NACC2: variants seen among roughly 807,000 people sequenced by gnomAD.
NACC2 encodes the protein nucleus accumbens-associated protein 2.
Under a neutral mutation model 25.1 loss-of-function variants are expected in NACC2, and 8 were observed. That is an observed-to-expected ratio of 0.32 (90% CI 0.19 to 0.57). The LOEUF is 0.57. NACC2 is among the 20% of genes least tolerant of loss of function. The pLI is 0.89. For synonymous variants in NACC2, 435 were observed against 294.7 expected, an observed-to-expected ratio of 1.48 and a Z score of -4.88; for missense variants, 644 against 650.2, an observed-to-expected ratio of 0.99 and a Z score of 0.10.
At chr9:136,047,960 G>A (rs1840754620) in intron 2 of NACC2, among the ~76,000 whole-genome samples, 1 of 152,252 alleles carries the variant, frequency 6.6e-6, no homozygotes, top group South Asian at 2.1e-4. Flanking sequence ...TCACATTGGA[G>A]CAGCAGGGGG....
At chr9:136,057,219 G>A (rs978544730) in intron 1 of NACC2, among the ~76,000 whole-genome samples, 8 of 152,216 alleles carry the variant, frequency 5.3e-5, no homozygotes, top group Admixed American at 5.2e-4. Flanking sequence ...AAGCAGCCAC[G>A]GCTCACCTGA....
intron 2 of NACC2, among the ~76,000 whole-genome samples, chr9:136,024,172 GT>G (rs1840341797): frequency 6.8e-6 from 1 of 146,890 alleles, no homozygotes; most frequent in Non-Finnish European, 1.5e-5. Flanking sequence ...GTGTGTGTGT[GT>G]GTGTGAGGAC....
At position 136,086,935 on chromosome 9, in the gene NACC2, T is replaced by C. The variant is rs1202707424; in HGVS notation, c.-60+8254A>G. Among the ~76,000 whole-genome samples the C allele has an allele frequency of 6.6e-6, 1 of 152,242 alleles. No homozygotes were observed. The highest frequency in any genetic ancestry group is 1.5e-5 in the Non-Finnish European group (1 of 68,040). On this transcript the variant is annotated intron_variant, in intron 1 of 5. Coordinates refer to ENST00000277554, the MANE Select transcript of NACC2 (RefSeq NM_144653.5). The surrounding 1 kb of genome is among the most constrained non-coding windows in gnomAD (Gnocchi z 5.6). ...ACCACACCGGGGGTTCGCATCTACC[T>C]GACCCTTTGAATGCGGCCTTATTTG... is the stretch of plus-strand genomic sequence containing the variant.
chr9:136,056,327 G>A (rs932284689), intron 1 of NACC2, among the ~76,000 whole-genome samples: 3 of 152,078 alleles, frequency 2.0e-5, no homozygotes, highest in Non-Finnish European at 4.4e-5. Flanking sequence ...GGCCCTCGGC[G>A]GCCAGGAACT....
In NACC2 at chr9:136,022,790, G is replaced by A. The variant is rs1840311418; in HGVS notation, c.887-6361C>T. Among the ~76,000 whole-genome samples, 1 of 151,986 alleles carries A rather than the reference G, an allele frequency of 6.6e-6. No homozygotes were observed. Among genetic ancestry groups the A allele is most frequent in the Non-Finnish European group, 1.5e-5 (1 of 68,016 alleles). On this transcript the variant is annotated intron_variant, in intron 2 of 5. Coordinates refer to ENST00000277554, the MANE Select transcript of NACC2 (RefSeq NM_144653.5). The surrounding 1 kb of genome is among the most constrained non-coding windows in gnomAD (Gnocchi z 4.4). The stretch of plus-strand genomic sequence containing the variant: ...ACGCTGTACTTGGTGGGAGCACAGA[G>A]GCCACAATTATAAGGCATGCCATTC...
intron 1 of NACC2, among the ~76,000 whole-genome samples, chr9:136,069,065 C>G (rs1350210740): frequency 1.3e-5 from 2 of 151,492 alleles, no homozygotes; most frequent in Admixed American, 6.6e-5. Context: ...TGCCACCACA[C>G]CCAACTAATT....
intron 1 of NACC2, among the ~76,000 whole-genome samples, chr9:136,092,017 G>GA (rs1281768276): frequency 6.6e-6 from 1 of 152,190 alleles, no homozygotes; most frequent in Non-Finnish European, 1.5e-5. Flanking sequence ...TGGACAGGCT[G>GA]AAAGGGAAAC....
chr9:136,091,649 T>C (rs527568054), intron 1 of NACC2, among the ~76,000 whole-genome samples: 8 of 152,226 alleles, frequency 5.3e-5, no homozygotes, highest in Admixed American at 4.6e-4. Flanking sequence ...TACAAGGGTG[T>C]GTGCTTCCAA....
chr9:136,013,498 G>A lies in NACC2; in HGVS notation c.1158-202C>T, dbSNP rs185912061. On this transcript the variant is annotated intron_variant, in intron 4 of 5. Transcript: ENST00000277554. This position sits in a 1 kb window ranked among gnomAD's most constrained non-coding sequence, Gnocchi z 6.6. ...AAGCGTCTGGGCTGAGAAGATGACC[G>A]GGTGATGGGGCTGCAAGGTGACCTG... is the stretch of plus-strand genomic sequence containing the variant. Among the ~76,000 whole-genome samples the A allele has an allele frequency of 1.3e-5, 2 of 152,334 alleles. No individual in the cohort carries two copies. The highest frequency in any genetic ancestry group is 6.5e-5 in the Admixed American group (1 of 15,306).
At chr9:136,012,498 C>T (rs1338222994) in intron 5 of NACC2, among the ~76,000 whole-genome samples, 5 of 152,326 alleles carry the variant, frequency 3.3e-5, no homozygotes, top group African/African-American at 9.6e-5. Context: ...TTCCTCCCAA[C>T]GGCATCAAAC....
chr9:136,011,405 C>T lies in NACC2; in HGVS notation c.*111G>A. On this transcript the variant is annotated 3_prime_UTR_variant, in exon 6 of 6. Coordinates refer to ENST00000277554, the MANE Select transcript of NACC2 (RefSeq NM_144653.5). ...AGCAGAATAAAAATCACATTTTTCT[C>T]AGGCAACAGTAGCAGTTCAGTAGGT... The T allele has an allele frequency of 8.7e-7, 1 of 1,154,386 alleles. No individual in the cohort carries two copies. Among genetic ancestry groups the T allele is most frequent in the Non-Finnish European group, 1.1e-6 (1 of 896,692 alleles). 71.5% of individuals were successfully genotyped at this position (1,154,386 alleles called of 1,614,324 possible). A position where few individuals can be genotyped will look rare whatever the true frequency, so the allele number is the denominator to read the frequency against.
chr9:136,070,898 A>C (rs986067456), intron 1 of NACC2, among the ~76,000 whole-genome samples: 1 of 151,720 alleles, frequency 6.6e-6, no homozygotes, highest in African/African-American at 2.4e-5. Context: ...ATAATTACAG[A>C]CCCTGCAGAT....
rs565096086 is a variant in NACC2 at position 136,085,762 on chromosome 9, T to C, written c.-60+9427A>G. Among the ~76,000 whole-genome samples the C allele has an allele frequency of 6.6e-5, 10 of 152,374 alleles. No homozygotes were observed. In the East Asian group the frequency reaches 9.6e-4, roughly 15 times the overall value. On this transcript the variant is annotated intron_variant, in intron 1 of 5. Transcript: ENST00000277554. ...CATTTTTCTGTAAGTTTAATTACTT[T>C]ATCTTTTACCTTTTTTCTTAAACAT...
Position 136,007,029 on chromosome 9 carries a change from A to T in NACC2, c.*4487T>A, listed in dbSNP as rs1840022792. 1 of 154,274 alleles carries T rather than the reference A, an allele frequency of 6.5e-6. No homozygotes were observed. Among genetic ancestry groups the T allele is most frequent in the Non-Finnish European group, 1.5e-5 (1 of 68,216 alleles). 9.6% of individuals were successfully genotyped at this position (154,274 alleles called of 1,614,324 possible). A position where few individuals can be genotyped will look rare whatever the true frequency, so the allele number is the denominator to read the frequency against. ...TCCGAAGGATGGATGCTCTACTTGC[A>T]CCCAGTGCCATCCAAATCTTCAAGT... On this transcript the variant is annotated 3_prime_UTR_variant, in exon 6 of 6. Transcript: ENST00000277554.
chr9:136,046,227 C>T (rs892920289), intron 2 of NACC2, among the ~76,000 whole-genome samples: 2 of 152,062 alleles, frequency 1.3e-5, no homozygotes, highest in African/African-American at 2.4e-5. Flanking sequence ...GCAGGCATTT[C>T]GCAATCTCTA....
At chr9:136,024,165 TGTGTGTGTGTGTGAGGACGGA>T (rs1205071677) in intron 2 of NACC2, among the ~76,000 whole-genome samples, 42 of 142,898 alleles carry the variant, frequency 2.9e-4, no homozygotes, top group African/African-American at 7.8e-4. Flanking sequence ...AGTGTGTGTG[TGTGTGTGTGTGTGAGGACGGA>T]GTGTGTGTGT....
In NACC2 at chr9:136,020,204, G is replaced by A. The variant is rs760471291; in HGVS notation, c.887-3775C>T. ...GCTCAGAAAGAACAAATGAACGAAC[G>A]TCAGAAGGAGGGGGCCATGCAGGTC... On this transcript the variant is annotated intron_variant, in intron 2 of 5. Transcript: ENST00000277554. The surrounding 1 kb of genome is among the most constrained non-coding windows in gnomAD (Gnocchi z 4.7). 6.6e-6 allele frequency among the ~76,000 whole-genome samples: 1 copy of A among 152,270 alleles called. No homozygotes were observed. The highest frequency in any genetic ancestry group is 2.1e-4 in the South Asian group (1 of 4,830).
chr9:136,089,730 A>T, intron 1 of NACC2, among the ~76,000 whole-genome samples: 1 of 151,552 alleles, frequency 6.6e-6, no homozygotes, highest in East Asian at 1.9e-4. Flanking sequence ...CTCTTCATTT[A>T]GGAGCCACGG....
At position 136,016,156 on chromosome 9, in the gene NACC2, T is replaced by G. The variant is rs1840200287; in HGVS notation, c.1051+109A>C. On this transcript the variant is annotated intron_variant, in intron 3 of 5. Coordinates refer to ENST00000277554, the MANE Select transcript of NACC2 (RefSeq NM_144653.5). Reference sequence around the variant, plus strand: ...GGAAATTAGAGGAAATTTAAGATTTTTTTTTTGACTGATTGGTGATGAGTA... The same window carrying G: ...GGAAATTAGAGGAAATTTAAGATTTGTTTTTTGACTGATTGGTGATGAGTA... 1.8e-5 allele frequency: 23 copies of G among 1,245,872 alleles called. No homozygotes were observed. In the South Asian group the frequency reaches 3.3e-4, roughly 18 times the overall value. 77.2% of individuals were successfully genotyped at this position (1,245,872 alleles called of 1,614,324 possible).
Sources: gnomAD v4.1 joint callset for allele counts (sites outside exome capture counted in the v4.1 genomes callset) on GRCh38, gnomAD v4.1.1 for gene constraint, Gnocchi (gnomAD v3.1) non-coding constraint, MANE v1.5 for transcripts, NCBI Gene and HGNC (gene_info 2026-07-23, HGNC 2026-07-21) for gene names.